The following USP3 variants were observed in gnomAD, a reference collection of about 807,000 sequenced individuals.
USP3 encodes ubiquitin carboxyl-terminal hydrolase 3.
USP3 carries 20 observed loss-of-function variants against 72.3 expected under a neutral mutation model. The ratio of observed to expected loss-of-function variants is 0.28; its 90% CI spans 0.19 to 0.40. The LOEUF is 0.40. Ranked by LOEUF, USP3 falls within the 10% of genes least tolerant of loss-of-function variation. USP3 has a pLI of 1.00. For synonymous variants in USP3, 222 were observed against 225.3 expected (o/e 0.99, Z 0.13); for missense variants, 479 against 633.9 (o/e 0.76, Z 2.62).
chr15:63,569,722 C>T (rs1174141891), intron 8 of USP3, among the ~76,000 whole-genome samples: 3 of 152,160 alleles, frequency 2.0e-5, no homozygotes, highest in Non-Finnish European at 4.4e-5. Context: ...TTCCTGTTCA[C>T]TGTCATTGAT....
chr15:63,518,621 C>A (rs1407521098), intron 1 of USP3, among the ~76,000 whole-genome samples: 1 of 152,154 alleles, frequency 6.6e-6, no homozygotes, highest in East Asian at 1.9e-4. Context: ...ATACAAAGAA[C>A]TTCCGTATAC....
chr15:63,507,351 T>C lies in USP3; in HGVS notation c.91+2521T>C, dbSNP rs895681843. Among the ~76,000 whole-genome samples the C allele has an allele frequency of 3.9e-4, 60 of 152,208 alleles. 2 individuals carry two copies. The highest frequency in any genetic ancestry group is 2.9e-5 in the Non-Finnish European group (2 of 68,028). ...AGTTAGCAGTACCTAATTGGACAAA[T>C]AGTTCTATTTTCTTTGAGTATCAGT... is the stretch of plus-strand genomic sequence containing the variant. On this transcript the variant is annotated intron_variant, in intron 1 of 14. Coordinates refer to ENST00000380324, the MANE Select transcript of USP3 (RefSeq NM_006537.4).
Position 63,570,546 on chromosome 15 carries a change from A to T in USP3, c.875A>T (p.Asn292Ile). 6.2e-7 allele frequency: 1 copy of T among 1,614,098 alleles called. No homozygotes were observed. The highest frequency in any genetic ancestry group is 8.5e-7 in the Non-Finnish European group (1 of 1,179,960). The change falls in exon 9 of 15, where the codon AAT becomes ATT. Residue 292 changes from asparagine to isoleucine, a missense_variant. Transcript: ENST00000380324. This position sits in a 1 kb window ranked among gnomAD's most constrained non-coding sequence, Gnocchi z 4.4. The part of the protein sequence containing the change: ...GVSRSAILQE[N>I]STLSASNKCC... Reference sequence around the variant, plus strand: ...TCCCGCTCAGCAATTCTGCAGGAGAATTCTACTCTGTCTGCAAGTAACAAG... The same window carrying T: ...TCCCGCTCAGCAATTCTGCAGGAGATTTCTACTCTGTCTGCAAGTAACAAG...
chr15:63,548,179 G>T (rs528506961), intron 3 of USP3, among the ~76,000 whole-genome samples: 1 of 150,280 alleles, frequency 6.7e-6, no homozygotes, highest in East Asian at 2.0e-4. Flanking sequence ...CACCCAGCTG[G>T]AGTGTAGTGA....
In USP3 at chr15:63,570,999, C is replaced by T. The variant is rs1386949256; in HGVS notation, c.908+420C>T. On this transcript the variant is annotated intron_variant, in intron 9 of 14. Transcript: ENST00000380324. This position sits in a 1 kb window ranked among gnomAD's most constrained non-coding sequence, Gnocchi z 4.4. ...CCTAAAGCTTCATTATGGACTTGAA[C>T]TTTCCTAAAGTTTATCTGTTCTTTA... 2.0e-5 allele frequency among the ~76,000 whole-genome samples: 3 copies of T among 152,136 alleles called. No homozygotes were observed. Among genetic ancestry groups the T allele is most frequent in the South Asian group, 2.1e-4 (1 of 4,832 alleles).
chr15:63,578,200 G>A (rs976386523), intron 11 of USP3, among the ~76,000 whole-genome samples: 6 of 152,054 alleles, frequency 3.9e-5, no homozygotes, highest in East Asian at 1.9e-4. Flanking sequence ...GGCTTGAACC[G>A]GGGAGGGAGG....
chr15:63,568,352 TAAAAAAAA>T (rs545943861), intron 8 of USP3, among the ~76,000 whole-genome samples: 2 of 131,484 alleles, frequency 1.5e-5, no homozygotes, highest in Admixed American at 7.7e-5. Context: ...AGACTCCATC[TAAAAAAAA>T]AAAAAAAAAA....
rs780415344 is a variant in USP3, at chr15:63,559,965, C to T, written c.642C>T (p.Asn214=). 1 of 1,612,944 alleles carries T rather than the reference C, an allele frequency of 6.2e-7. No homozygotes were observed. The highest frequency in any genetic ancestry group is 8.5e-7 in the Non-Finnish European group (1 of 1,179,464). ...RTYHTRSQGD[N]NVSLVEEFRK... is the part of the protein sequence containing the mutation. ...ACCACACCAGGAGCCAAGGGGATAA[C>T]AATGTGTGAGTTATAAGAGTATGTC... Residue 214 remains asparagine, a synonymous_variant, in exon 7 of 15, where the codon AAC becomes AAT. Coordinates refer to ENST00000380324, the MANE Select transcript of USP3 (RefSeq NM_006537.4).
chr15:63,537,065 C>G lies in USP3; in HGVS notation c.193C>G (p.Gln65Glu), dbSNP rs2066168747. ...GHAKKHYEDA[Q>E]VPLTNHKKSE... ...TGCAAAAAAACATTATGAAGATGCA[C>G]AAGTACCTTTAACCAACCATAAGAA... Residue 65 changes from glutamine to glutamate, a missense_variant, in exon 3 of 15, where the codon CAA (glutamine) becomes GAA (glutamate). Transcript: ENST00000380324. The G allele has an allele frequency of 6.2e-7, 1 of 1,613,846 alleles. No homozygotes were observed. Among genetic ancestry groups the G allele is most frequent in the Non-Finnish European group, 8.5e-7 (1 of 1,179,956 alleles).
chr15:63,522,037 G>A (rs1404325919), intron 1 of USP3, among the ~76,000 whole-genome samples: 2 of 152,110 alleles, frequency 1.3e-5, no homozygotes, highest in African/African-American at 2.4e-5. Flanking sequence ...TACCTTCCAC[G>A]CTCAAGTTAT....
intron 3 of USP3, among the ~76,000 whole-genome samples, chr15:63,542,941 T>C (rs1206206520): frequency 6.6e-6 from 1 of 152,168 alleles, no homozygotes; most frequent in African/African-American, 2.4e-5. Flanking sequence ...TACAATAGAA[T>C]AGCTGGAAAG....
chr15:63,584,245 C>T (rs2067016409), intron 11 of USP3, among the ~76,000 whole-genome samples: 1 of 151,738 alleles, frequency 6.6e-6, no homozygotes, highest in African/African-American at 2.4e-5. Context: ...CTACAGGCAC[C>T]CGCCACCATG....
intron 3 of USP3, among the ~76,000 whole-genome samples, chr15:63,549,228 T>C (rs1031372955): frequency 1.3e-5 from 2 of 152,234 alleles, no homozygotes; most frequent in East Asian, 1.9e-4. Context: ...ATAAAAAATA[T>C]TTGATCTGTA....
At chr15:63,567,242 A>G (rs891208274) in intron 8 of USP3, among the ~76,000 whole-genome samples, 5 of 151,566 alleles carry the variant, frequency 3.3e-5, no homozygotes, top group Admixed American at 1.3e-4. Flanking sequence ...CTGGAGTGCA[A>G]TGGCACAGTG....
Position 63,560,415 on chromosome 15 carries a change from C to CA in USP3, c.647+462dup, listed in dbSNP as rs1172049542. ...TAGGTGACAGGGCGAGACTCCATCT[C>CA]AAAAAAAAAAAAAAAAATTGTTGGG... On this transcript the variant is annotated intron_variant, in intron 7 of 14. Coordinates refer to ENST00000380324, the MANE Select transcript of USP3 (RefSeq NM_006537.4). Among the ~76,000 whole-genome samples the CA allele has an allele frequency of 6.1e-3, 596 of 97,798 alleles. 2 individuals are homozygous for CA. The highest frequency in any genetic ancestry group is 7.2e-3 in the East Asian group (22 of 3,076). The allele number at this position is 97,798 out of a possible 152,430, so 64.2% of individuals were successfully genotyped here.
rs1237428559 is a variant in USP3 at position 63,593,011 on chromosome 15, A to G, written c.*2185A>G. 1 of 152,230 alleles carries G rather than the reference A, an allele frequency of 6.6e-6. No homozygotes were observed. Among genetic ancestry groups the G allele is most frequent in the Non-Finnish European group, 1.5e-5 (1 of 68,042 alleles). The allele number at this position is 152,230 out of a possible 1,614,324, so 9.4% of individuals were successfully genotyped here. Reference sequence around the variant, plus strand: ...TGACTGAAATTTAAATTAGAAACTCAGTGCCTTCAGTCACACTAGCCACAT... The same window carrying G: ...TGACTGAAATTTAAATTAGAAACTCGGTGCCTTCAGTCACACTAGCCACAT... On this transcript the variant is annotated 3_prime_UTR_variant, in exon 15 of 15. Coordinates refer to ENST00000380324, the MANE Select transcript of USP3 (RefSeq NM_006537.4).
intron 1 of USP3, among the ~76,000 whole-genome samples, chr15:63,512,335 C>T (rs62011295): frequency 1.8e-4 from 15 of 83,098 alleles, no homozygotes; most frequent in Admixed American, 2.3e-4. Flanking sequence ...CTTCCTCTTC[C>T]TCCTCTTCCT....
intron 1 of USP3, among the ~76,000 whole-genome samples, chr15:63,520,194 C>A (rs1248566451): frequency 6.6e-6 from 1 of 152,044 alleles, no homozygotes; most frequent in Non-Finnish European, 1.5e-5. Context: ...TGTTTATCAC[C>A]ATGATTTTAT....
At chr15:63,512,061 A>G (rs1192041615) in intron 1 of USP3, among the ~76,000 whole-genome samples, 2 of 150,190 alleles carry the variant, frequency 1.3e-5, no homozygotes, top group African/African-American at 4.9e-5. Context: ...GGCTCAAGTA[A>G]TTCTTTGCCT....
Sources: allele counts gnomAD v4.1 joint callset (sites outside exome capture counted in the v4.1 genomes callset), GRCh38; gene constraint gnomAD v4.1.1; non-coding constraint Gnocchi (gnomAD v3.1); transcripts MANE v1.5; gene names NCBI Gene and HGNC (gene_info 2026-07-23, HGNC 2026-07-21).